ARHGAP26: variants seen among roughly 807,000 people sequenced by gnomAD.
ARHGAP26 encodes Rho GTPase activating protein 26.
In ARHGAP26, 38 loss-of-function variants were observed where a neutral mutation model predicts 104.8. The observed-to-expected ratio is 0.36, with a 90% CI of 0.28 to 0.48. ARHGAP26 has a LOEUF of 0.48. Among genes scored for constraint, ARHGAP26 ranks in the 20% least tolerant of loss-of-function variants. The pLI is 0.99. For missense variants in ARHGAP26, 704 were observed against 947.9 expected, an observed-to-expected ratio of 0.74 and a Z score of 3.38; for synonymous variants, 341 against 340.0, an observed-to-expected ratio of 1.00 and a Z score of -0.03.
chr5:143,022,833 T>C (rs1198618867), intron 12 of ARHGAP26, among the ~76,000 whole-genome samples: 1 of 152,248 alleles, frequency 6.6e-6, no homozygotes, highest in Non-Finnish European at 1.5e-5. Context: ...GGGTCATTTT[T>C]TTCCTGCAAC....
intron 10 of ARHGAP26, among the ~76,000 whole-genome samples, chr5:142,928,247 T>TA (rs1562096626): frequency 1.8e-5 from 2 of 111,834 alleles, no homozygotes; most frequent in African/African-American, 5.2e-5. Flanking sequence ...TTTTTTTTTT[T>TA]TAAAACTCAT....
intron 1 of ARHGAP26, among the ~76,000 whole-genome samples, chr5:142,853,824 C>T (rs1751929765): frequency 6.6e-6 from 1 of 152,126 alleles, no homozygotes; most frequent in South Asian, 2.1e-4. Flanking sequence ...CTACAAGCTT[C>T]CAGAGAGTTG....
At chr5:143,018,183 A>T (rs927662321) in intron 12 of ARHGAP26, among the ~76,000 whole-genome samples, 1 of 151,990 alleles carries the variant, frequency 6.6e-6, no homozygotes, top group Non-Finnish European at 1.5e-5. Flanking sequence ...CCATTTTTCT[A>T]TTTCAGTTAC....
At chr5:142,895,690 G>A (rs566855387) in intron 6 of ARHGAP26, among the ~76,000 whole-genome samples, 8 of 152,134 alleles carry the variant, frequency 5.3e-5, no homozygotes, top group African/African-American at 1.9e-4. Context: ...GTTTCATCAA[G>A]ACTCCAATTG....
At chr5:142,773,775 A>T (rs1170711363) in intron 1 of ARHGAP26, among the ~76,000 whole-genome samples, 1 of 152,164 alleles carries the variant, frequency 6.6e-6, no homozygotes, top group African/African-American at 2.4e-5. Flanking sequence ...GCACTGAATG[A>T]TTATCAGTGA....
intron 7 of ARHGAP26, 69 bp from the exon 8 acceptor site, chr5:142,903,471 T>C (rs1760667953): frequency 1.3e-6 from 2 of 1,519,316 alleles, no homozygotes; most frequent in Admixed American, 1.8e-5. Flanking sequence ...AGGATTCTAT[T>C]AGGTTGATCT....
In ARHGAP26 at chr5:142,879,548, G is replaced by A. The variant is rs1390100970; in HGVS notation, c.384+103G>A. 11 of 1,063,778 alleles carry A rather than the reference G, an allele frequency of 1.0e-5. No individual in the cohort carries two copies. In the Admixed American group the frequency reaches 1.4e-4, roughly 13 times the overall value. The allele number at this position is 1,063,778 out of a possible 1,614,324, so 65.9% of individuals were successfully genotyped here. A position where few individuals can be genotyped will look rare whatever the true frequency, so the allele number is the denominator to read the frequency against. On this transcript the variant is annotated intron_variant, in intron 4 of 22. Coordinates refer to ENST00000645722, the MANE Select transcript of ARHGAP26 (RefSeq NM_001135608.3). ...TCTTCAGAAATGTCTTCAGAAAATCGAAGCCCACCTTCTTCAGAAAATCTT... is the reference window on the plus strand; with the variant it reads ...TCTTCAGAAATGTCTTCAGAAAATCAAAGCCCACCTTCTTCAGAAAATCTT...
intron 1 of ARHGAP26, among the ~76,000 whole-genome samples, chr5:142,771,618 A>G (rs1755226041): frequency 6.6e-6 from 1 of 152,154 alleles, no homozygotes; most frequent in Non-Finnish European, 1.5e-5. Flanking sequence ...TAAAAATAGA[A>G]TGTACATATC....
At chr5:143,065,395 C>G (rs1382515158) in intron 17 of ARHGAP26, among the ~76,000 whole-genome samples, 2 of 152,132 alleles carry the variant, frequency 1.3e-5, no homozygotes, top group African/African-American at 4.8e-5. Context: ...GGTTACTCAC[C>G]AGCTCTTCAG....
intron 11 of ARHGAP26, among the ~76,000 whole-genome samples, chr5:142,952,754 G>A (rs1280040469): frequency 5.9e-5 from 9 of 152,070 alleles, no homozygotes; most frequent in Non-Finnish European, 4.4e-5. Context: ...CTATCACCCA[G>A]GCTGGAGTGC....
intron 11 of ARHGAP26, among the ~76,000 whole-genome samples, chr5:142,955,428 G>A (rs1196247216): frequency 1.3e-5 from 2 of 152,174 alleles, no homozygotes; most frequent in African/African-American, 4.8e-5. Context: ...GTGCTGTGAT[G>A]GGCCTAGAGG....
chr5:143,124,889 C>T (rs1247975068), intron 18 of ARHGAP26, among the ~76,000 whole-genome samples: 3 of 152,160 alleles, frequency 2.0e-5, no homozygotes, highest in Non-Finnish European at 2.9e-5. Flanking sequence ...ACTCTGCTTT[C>T]TTATCAGTGG....
chr5:143,212,174 G>A (rs1042116387), intron 21 of ARHGAP26, among the ~76,000 whole-genome samples: 2 of 152,070 alleles, frequency 1.3e-5, no homozygotes, highest in Non-Finnish European at 2.9e-5. Flanking sequence ...GTCCTCAAGA[G>A]GCAGAAATAC....
At chr5:142,787,028 T>G (rs1258583391) in intron 1 of ARHGAP26, among the ~76,000 whole-genome samples, 1 of 152,198 alleles carries the variant, frequency 6.6e-6, no homozygotes, top group Non-Finnish European at 1.5e-5. Flanking sequence ...TTAGTCGGAC[T>G]GTGAGTGGTC....
Position 142,885,340 on chromosome 5 carries a change from G to A in ARHGAP26, c.427G>A (p.Gly143Ser). 6.2e-7 allele frequency: 1 copy of A among 1,613,720 alleles called. No homozygotes were observed. The highest frequency in any genetic ancestry group is 8.5e-7 in the Non-Finnish European group (1 of 1,179,792). Residue 143 changes from glycine (G) to serine (S), a missense_variant, in exon 5 of 23, where the codon GGC becomes AGC. By Grantham distance (56) the Gly-to-Ser change is moderately conservative (BLOSUM62 0). Around this residue, in one of 6 missense-constraint regions of ARHGAP26, gnomAD observed 106 missense variants for 120.5 expected, o/e 0.88. Coordinates refer to ENST00000645722, the MANE Select transcript of ARHGAP26 (RefSeq NM_001135608.3). ...TGACAAAGAGACAGAAAAGTATTGT[G>A]GCATCTTAGAAAAACACTTGAATTT... ...KYDKETEKYC[G>S]ILEKHLNLSS...
intron 1 of ARHGAP26, among the ~76,000 whole-genome samples, chr5:142,851,728 C>T (rs1281820682): frequency 6.6e-6 from 1 of 152,206 alleles, no homozygotes; most frequent in African/African-American, 2.4e-5. Flanking sequence ...TGCCCTTTCT[C>T]CCACGTGCTG....
At chr5:143,059,388 A>G (rs914562920) in intron 17 of ARHGAP26, among the ~76,000 whole-genome samples, 10 of 152,204 alleles carry the variant, frequency 6.6e-5, no homozygotes, top group Admixed American at 2.0e-4. Flanking sequence ...GACCCAGCAG[A>G]GCCAGTGTTG....
chr5:142,869,473 C>G (rs995935216), intron 1 of ARHGAP26, among the ~76,000 whole-genome samples: 1 of 152,062 alleles, frequency 6.6e-6, no homozygotes, highest in African/African-American at 2.4e-5. Flanking sequence ...CCCGCCTTGG[C>G]CTCCCGGAAC....
At chr5:142,969,594 A>G (rs900190460) in intron 11 of ARHGAP26, among the ~76,000 whole-genome samples, 11 of 152,210 alleles carry the variant, frequency 7.2e-5, no homozygotes, top group African/African-American at 2.4e-4. Context: ...TTCCATGAAT[A>G]ATGTTCGTTT....
Sources: gnomAD v4.1 joint callset for allele counts (sites outside exome capture counted in the v4.1 genomes callset) on GRCh38, gnomAD v4.1.1 for gene constraint, gnomAD v4.1.1 regional missense constraint, MANE v1.5 for transcripts, NCBI Gene and HGNC (gene_info 2026-07-23, HGNC 2026-07-21) for gene names.